The following EXO1 variants were observed in gnomAD, a reference collection of about 807,000 sequenced individuals.
EXO1 encodes the protein exonuclease 1.
EXO1 carries 69 observed loss-of-function variants against 84.5 expected under a neutral mutation model. The observed-to-expected ratio is 0.82, with a 90% CI of 0.67 to 1.00. The LOEUF (loss-of-function observed/expected upper bound fraction) is 1.00. EXO1 is among the 50% of genes least tolerant of loss of function. EXO1 has a pLI of 0.00. For missense variants in EXO1, 1,045 were observed against 1,000.7 expected, an observed-to-expected ratio of 1.04 and a Z score of -0.60; for synonymous variants, 373 against 366.1, an observed-to-expected ratio of 1.02 and a Z score of -0.21.
At chr1:241,868,353 C>T (rs184974798) in intron 11 of EXO1, among the ~76,000 whole-genome samples, 55 of 139,994 alleles carry the variant, frequency 3.9e-4, no homozygotes, top group East Asian at 1.2e-3. Flanking sequence ...CCAGCCTGGG[C>T]GCCAGAGAAA....
At chr1:241,871,760 TG>T (rs1662100460) in intron 11 of EXO1, among the ~76,000 whole-genome samples, 1 of 152,214 alleles carries the variant, frequency 6.6e-6, no homozygotes, top group Non-Finnish European at 1.5e-5. Context: ...CAGGATTGAT[TG>T]TGCTCTGAAA....
chr1:241,861,618 T>G (rs956697245), intron 10 of EXO1, 116 bp downstream of exon 10: 2 of 723,562 alleles, frequency 2.8e-6, no homozygotes, highest in African/African-American at 3.5e-5. Context: ...CCAGGCTCTG[T>G]GCAGAATGTA....
At chr1:241,876,348 G>A (rs762853352) in intron 12 of EXO1, among the ~76,000 whole-genome samples, 22 of 152,132 alleles carry the variant, frequency 1.4e-4, no homozygotes, top group Non-Finnish European at 2.6e-4. Context: ...CTGGGAGGCC[G>A]AGGAGGGTGG....
At chr1:241,875,707 T>C (rs111287098) in intron 12 of EXO1, among the ~76,000 whole-genome samples, 11,846 of 152,136 alleles carry the variant, frequency 0.078, 719 homozygotes, top group Admixed American at 0.19. Flanking sequence ...TGAAACCCCA[T>C]CTCTACTAAA....
intron 11 of EXO1, 121 bp from the exon 12 acceptor site, chr1:241,871,911 G>T (rs79539403): frequency 2.3e-5 from 12 of 517,640 alleles, no homozygotes; most frequent in Admixed American, 3.9e-5. Flanking sequence ...CTGAGGCATA[G>T]TTTTTTTTTT....
chr1:241,855,847 C>T (rs777391948), intron 6 of EXO1, among the ~76,000 whole-genome samples: 1 of 152,244 alleles, frequency 6.6e-6, no homozygotes. Context: ...TTGCCTGGGG[C>T]CGACAGGGCC....
intron 12 of EXO1, among the ~76,000 whole-genome samples, chr1:241,877,617 T>G (rs528371768): frequency 6.6e-6 from 1 of 152,312 alleles, no homozygotes. Context: ...GTAAATTCTC[T>G]TTAAGTTTTT....
chr1:241,850,516 A>G lies in EXO1; in HGVS notation c.91A>G (p.Thr31Ala), dbSNP rs749752659. The G allele has an allele frequency of 2.5e-6, 4 of 1,613,988 alleles. No individual in the cohort carries two copies. Among genetic ancestry groups the G allele is most frequent in the Non-Finnish European group, 3.4e-6 (4 of 1,179,844 alleles). Residue 31 changes from threonine to alanine, a missense_variant, in exon 4 of 16, where the codon ACA becomes GCA. Physicochemically the swap from Thr to Ala is moderately conservative, Grantham distance 58. Coordinates refer to ENST00000366548, the MANE Select transcript of EXO1 (RefSeq NM_130398.4). ...KYKGQVVAVD[T>A]YCWLHKGAIA... ...TAAAGGGCAGGTAGTAGCTGTGGAT[A>G]CATATTGCTGGCTTCACAAAGGAGC...
At chr1:241,866,333 C>T (rs1035647505) in intron 10 of EXO1, among the ~76,000 whole-genome samples, 11 of 152,032 alleles carry the variant, frequency 7.2e-5, no homozygotes, top group African/African-American at 2.7e-4. Flanking sequence ...AGGCTGGTCT[C>T]GAGCTCCTGA....
At chr1:241,851,870 T>G (rs946974260) in intron 4 of EXO1, among the ~76,000 whole-genome samples, 3 of 152,222 alleles carry the variant, frequency 2.0e-5, no homozygotes, top group Non-Finnish European at 2.9e-5. Flanking sequence ...TAATATTATG[T>G]TACTATTAAA....
intron 15 of EXO1, among the ~76,000 whole-genome samples, chr1:241,888,544 T>A (rs1663191385): frequency 6.6e-6 from 1 of 152,198 alleles, no homozygotes; most frequent in Non-Finnish European, 1.5e-5. Flanking sequence ...TGGAAACCGT[T>A]CAAAGGATCT....
Position 241,860,514 on chromosome 1 carries a change from T to C in EXO1, c.757-3T>C, listed in dbSNP as rs758969724. 1 of 1,608,244 alleles carries C rather than the reference T, an allele frequency of 6.2e-7. No homozygotes were observed. Among genetic ancestry groups the C allele is most frequent in the South Asian group, 1.1e-5 (1 of 90,946 alleles). ...GATAAAATATTTTTGCATGCATTGT[T>C]AGGTTATCAAGAAAATTGGACATTA... On this transcript the variant is annotated splice_polypyrimidine_tract_variant and splice_region_variant and intron_variant, in intron 8 of 15. Transcript: ENST00000366548.
At chr1:241,862,530 G>A (rs968088014) in intron 10 of EXO1, among the ~76,000 whole-genome samples, 11 of 152,132 alleles carry the variant, frequency 7.2e-5, no homozygotes, top group Non-Finnish European at 1.5e-4. Context: ...AACTCTTCAT[G>A]TTTTTAATCA....
intron 12 of EXO1, among the ~76,000 whole-genome samples, chr1:241,873,327 A>C (rs1243397306): frequency 1.3e-5 from 2 of 152,166 alleles, no homozygotes; most frequent in Non-Finnish European, 2.9e-5. Context: ...AACCTGCCTT[A>C]ATCTGATTAC....
intron 10 of EXO1, among the ~76,000 whole-genome samples, chr1:241,866,421 A>G (rs180714360): frequency 3.3e-5 from 5 of 152,134 alleles, no homozygotes; most frequent in East Asian, 1.9e-4. Flanking sequence ...GCTGCTTTCC[A>G]TTTAAAAGAC....
In EXO1 at chr1:241,879,180, C is replaced by G. The variant is rs1384511714; in HGVS notation, c.1946C>G (p.Ser649Cys). 1.2e-6 allele frequency: 2 copies of G among 1,605,886 alleles called. No individual in the cohort carries two copies. The highest frequency in any genetic ancestry group is 1.7e-6 in the Non-Finnish European group (2 of 1,173,354). ...SPTSLPENNM[S>C]DVSQLKSEES... is the part of the protein sequence containing the mutation. Reference sequence around the variant, plus strand: ...ACCTCTTTGCCTGAGAATAATATGTCTGATGTGTCGCAGTTAAAGAGCGAG... The same window carrying G: ...ACCTCTTTGCCTGAGAATAATATGTGTGATGTGTCGCAGTTAAAGAGCGAG... Residue 649 changes from serine (S) to cysteine (C), a missense_variant, in exon 13 of 16, where the codon TCT (serine) becomes TGT (cysteine). Transcript: ENST00000366548.
intron 11 of EXO1, among the ~76,000 whole-genome samples, chr1:241,869,575 C>T (rs1252706932): frequency 1.3e-5 from 2 of 152,106 alleles, no homozygotes. Context: ...ACATATTCGG[C>T]CGAAATATCC....
chr1:241,866,993 T>C lies in EXO1; in HGVS notation c.1205T>C (p.Val402Ala). Residue 402 changes from valine (V) to alanine (A), a missense_variant, in exon 11 of 16, where the codon GTG becomes GCG. Transcript: ENST00000366548. ...ENPSTVGVER[V>A]ISTKGLNLPR... ...CCAAGTACTGTGGGAGTGGAACGAGTGATTAGTACTAAAGGGTTAAATCTC... is the reference window on the plus strand; with the variant it reads ...CCAAGTACTGTGGGAGTGGAACGAGCGATTAGTACTAAAGGGTTAAATCTC... 1 of 1,613,940 alleles carries C rather than the reference T, an allele frequency of 6.2e-7. No individual in the cohort carries two copies. The highest frequency in any genetic ancestry group is 8.5e-7 in the Non-Finnish European group (1 of 1,179,912).
intron 6 of EXO1, among the ~76,000 whole-genome samples, chr1:241,855,539 G>T (rs1660945841): frequency 6.6e-6 from 1 of 152,272 alleles, no homozygotes; most frequent in Admixed American, 6.5e-5. Flanking sequence ...CCCGCACGGG[G>T]CTGCAGGTGA....
Sources: gnomAD v4.1 joint callset for allele counts (sites outside exome capture counted in the v4.1 genomes callset) on GRCh38, gnomAD v4.1.1 for gene constraint, MANE v1.5 for transcripts, NCBI Gene and HGNC (gene_info 2026-07-23, HGNC 2026-07-21) for gene names.